GPC6: variants seen among roughly 807,000 people sequenced by gnomAD.
The protein encoded by GPC6 is glypican 6.
A neutral mutation model predicts 55.2 loss-of-function variants in GPC6; 14 were observed. The ratio of observed to expected loss-of-function variants is 0.25; its 90% confidence interval spans 0.17 to 0.40. The LOEUF is 0.40. Ranked by LOEUF, GPC6 falls within the 10% of genes least tolerant of loss-of-function variation. The pLI, the probability that GPC6 is intolerant of heterozygous loss-of-function variation, is 1.00. For synonymous variants in GPC6, 278 were observed against 259.6 expected (o/e 1.07, Z -0.68); for missense variants, 641 against 708.5 (o/e 0.90, Z 1.08).
At chr13:94,340,119 G>A (rs1175573452) in intron 6 of GPC6, among the ~76,000 whole-genome samples, 1 of 152,052 alleles carries the variant, frequency 6.6e-6, no homozygotes, top group Non-Finnish European at 1.5e-5. Flanking sequence ...TTCTCCATAA[G>A]GTGGTATCCA....
At chr13:93,548,722 C>T (rs943334180) in intron 2 of GPC6, among the ~76,000 whole-genome samples, 2 of 152,096 alleles carry the variant, frequency 1.3e-5, no homozygotes, top group African/African-American at 4.8e-5. Flanking sequence ...CCCAACCTTC[C>T]TAAGTTTCTA....
chr13:93,322,128 G>C lies in GPC6; in HGVS notation c.160+94512G>C, dbSNP rs553759888. ...CTAATGGACAAGAAAACGTTGACTTGCTACCAAAATTTCTAAGTTTATTCT... is the reference window on the plus strand; with the variant it reads ...CTAATGGACAAGAAAACGTTGACTTCCTACCAAAATTTCTAAGTTTATTCT... On this transcript the variant is annotated intron_variant, in intron 1 of 8. Transcript: ENST00000377047. 2.6e-5 allele frequency among the ~76,000 whole-genome samples: 4 copies of C among 152,254 alleles called. No homozygotes were observed. The South Asian group carries it at 8.3e-4, about 32-fold the overall frequency.
At chr13:94,047,785 G>T (rs1254697809) in intron 4 of GPC6, among the ~76,000 whole-genome samples, 1 of 152,032 alleles carries the variant, frequency 6.6e-6, no homozygotes. Context: ...TTTATATAAC[G>T]TTTTGTTTAG....
At chr13:93,910,410 G>C (rs1418915485) in intron 3 of GPC6, among the ~76,000 whole-genome samples, 1 of 151,972 alleles carries the variant, frequency 6.6e-6, no homozygotes, top group Non-Finnish European at 1.5e-5. Flanking sequence ...AAATTATCTA[G>C]TCTCAGATAT....
rs530816347 is a variant in GPC6 at position 94,196,076 on chromosome 13, A to G, written c.878-90273A>G. ...ACATCCCTCAATGTTCTTTGTAGTC[A>G]AAAGATAGATGGCCTTTGAGACACT... On this transcript the variant is annotated intron_variant, in intron 4 of 8. Coordinates refer to ENST00000377047, the MANE Select transcript of GPC6 (RefSeq NM_005708.5). Among the ~76,000 whole-genome samples the G allele has an allele frequency of 1.3e-4, 20 of 152,324 alleles. No homozygotes were observed. The South Asian group carries it at 4.1e-3, about 32-fold the overall frequency.
intron 3 of GPC6, among the ~76,000 whole-genome samples, chr13:93,896,723 T>A (rs1465195584): frequency 6.6e-6 from 1 of 152,100 alleles, no homozygotes; most frequent in Non-Finnish European, 1.5e-5. Flanking sequence ...AAACAAAATA[T>A]ATGTTTCCTG....
chr13:94,066,217 A>G lies in GPC6; in HGVS notation c.877+38323A>G, dbSNP rs73544074. On this transcript the variant is annotated intron_variant, in intron 4 of 8. Transcript: ENST00000377047. ...TAGATATTCATGGTCTAATCTTGTA[A>G]TTATGTTTTTTAAAATTGGATTTGT... is the stretch of plus-strand genomic sequence containing the variant. Among the ~76,000 whole-genome samples, 1,382 of 152,242 alleles carry G rather than the reference A, an allele frequency of 9.1e-3. 24 individuals carry two copies. The highest frequency in any genetic ancestry group is 0.03 in the African/African-American group (1,266 of 41,534).
At chr13:93,780,626 CACACAA>C (rs1485433569) in intron 2 of GPC6, among the ~76,000 whole-genome samples, 1 of 151,466 alleles carries the variant, frequency 6.6e-6, no homozygotes, top group African/African-American at 2.4e-5. Context: ...CACACACACA[CACACAA>C]AATAAAATTT....
At chr13:93,398,439 G>A (rs1875945365) in intron 1 of GPC6, among the ~76,000 whole-genome samples, 1 of 152,102 alleles carries the variant, frequency 6.6e-6, no homozygotes, top group Admixed American at 6.6e-5. Context: ...AATCAATTGT[G>A]CAATATCTTC....
At chr13:93,739,452 C>T (rs1285705964) in intron 2 of GPC6, among the ~76,000 whole-genome samples, 17 of 132,916 alleles carry the variant, frequency 1.3e-4, no homozygotes, top group African/African-American at 2.3e-4. Flanking sequence ...TTTTTTGAGA[C>T]GGAGTCTCAC....
intron 1 of GPC6, among the ~76,000 whole-genome samples, chr13:93,457,690 T>G (rs1372196486): frequency 6.6e-6 from 1 of 152,110 alleles, no homozygotes; most frequent in Non-Finnish European, 1.5e-5. Flanking sequence ...TACTAAAATT[T>G]TATTGACTGA....
In GPC6 at chr13:94,278,898, T is replaced by C. The variant is rs141735081; in HGVS notation, c.878-7451T>C. On this transcript the variant is annotated intron_variant, in intron 4 of 8. Transcript: ENST00000377047. ...TCAGGGATATTGGCCTGAAGTTTTC[T>C]TTTTTTGTTATGTTTCTGCCAGATT... 3.0e-3 allele frequency among the ~76,000 whole-genome samples: 454 copies of C among 152,292 alleles called. 4 individuals carry two copies. Among genetic ancestry groups the C allele is most frequent in the African/African-American group, 9.8e-3 (408 of 41,576 alleles).
intron 1 of GPC6, among the ~76,000 whole-genome samples, chr13:93,243,697 T>C (rs1354782866): frequency 1.3e-5 from 2 of 152,166 alleles, no homozygotes; most frequent in African/African-American, 2.4e-5. Context: ...GTAGCATCAA[T>C]GTACTGGGCA....
chr13:93,899,474 G>C (rs918650504), intron 3 of GPC6, among the ~76,000 whole-genome samples: 11 of 151,994 alleles, frequency 7.2e-5, no homozygotes, highest in African/African-American at 2.7e-4. Context: ...AATTCCATGG[G>C]GGGAGAGACA....
chr13:93,679,768 A>G (rs371119923), intron 2 of GPC6, among the ~76,000 whole-genome samples: 3 of 151,846 alleles, frequency 2.0e-5, no homozygotes, highest in South Asian at 2.1e-4. Flanking sequence ...TGATTTATTA[A>G]TTTCACAAAT....
At chr13:93,323,202 T>G (rs1257289650) in intron 1 of GPC6, among the ~76,000 whole-genome samples, 3 of 152,210 alleles carry the variant, frequency 2.0e-5, no homozygotes, top group Non-Finnish European at 4.4e-5. Context: ...AGTAGTCAAC[T>G]CATCAAAGTG....
At chr13:94,029,139 C>T (rs898644162) in intron 4 of GPC6, among the ~76,000 whole-genome samples, 9 of 152,138 alleles carry the variant, frequency 5.9e-5, no homozygotes, top group African/African-American at 2.2e-4. Context: ...AACTGAAGCT[C>T]ACTGTACAAA....
chr13:94,252,145 A>G (rs945208034), intron 4 of GPC6, among the ~76,000 whole-genome samples: 2 of 152,014 alleles, frequency 1.3e-5, no homozygotes, highest in Non-Finnish European at 2.9e-5. Context: ...CACTTCCCTG[A>G]TCCTAAGAGG....
chr13:93,409,869 G>T (rs1038658199), intron 1 of GPC6, among the ~76,000 whole-genome samples: 5 of 152,150 alleles, frequency 3.3e-5, no homozygotes, highest in Non-Finnish European at 5.9e-5. Context: ...TAAGGAAATG[G>T]CCAGAAGTGT....
Sources: allele counts gnomAD v4.1 joint callset (sites outside exome capture counted in the v4.1 genomes callset), GRCh38; gene constraint gnomAD v4.1.1; transcripts MANE v1.5; gene names NCBI Gene and HGNC (gene_info 2026-07-23, HGNC 2026-07-21).